The following MYH10 variants were observed in gnomAD, a reference collection of about 807,000 sequenced individuals.
The protein encoded by MYH10 is myosin heavy chain 10, also known as myosin-10.
A neutral mutation model predicts 257.8 loss-of-function variants in MYH10; 55 were observed. The ratio of observed to expected loss-of-function variants is 0.21; its 90% CI spans 0.17 to 0.27. The LOEUF (loss-of-function observed/expected upper bound fraction) is 0.27, where lower values mean the gene tolerates loss of function less well. Among genes scored for constraint, MYH10 ranks in the 10% least tolerant of loss-of-function variants. The pLI is 1.00. For synonymous variants in MYH10, 854 were observed against 921.7 expected (o/e 0.93, Z 1.33); for missense variants, 1,631 against 2,500.6 (o/e 0.65, Z 7.42).
At chr17:8,485,800 T>C (rs988868656) in intron 36 of MYH10, among the ~76,000 whole-genome samples, 6 of 152,156 alleles carry the variant, frequency 3.9e-5, no homozygotes, top group African/African-American at 1.2e-4. Flanking sequence ...AGAGGTACCA[T>C]ATAACCCAGC....
chr17:8,616,174 T>A (rs539997669), intron 2 of MYH10, among the ~76,000 whole-genome samples: 1 of 152,118 alleles, frequency 6.6e-6, no homozygotes, highest in South Asian at 2.1e-4. Flanking sequence ...TCCCTGCTAC[T>A]CGGGAGGCTG....
At position 8,508,656 on chromosome 17, in the gene MYH10, G is replaced by A. The variant is rs139985087; in HGVS notation, c.3112C>T (p.Arg1038Cys). The A allele has an allele frequency of 1.2e-5, 20 of 1,613,816 alleles. 1 individual carries two copies. The highest frequency in any genetic ancestry group is 1.6e-5 in the Non-Finnish European group (19 of 1,179,990). Residue 1038 changes from arginine to cysteine, a missense_variant, in exon 26 of 43, where the codon CGC becomes TGC. Physicochemically the swap from Arg to Cys is radical, Grantham distance 180. This residue lies in a region of MYH10 where 169 missense variants were observed against 249.8 expected (regional missense o/e 0.68). Transcript: ENST00000360416. ...AGCTGAGAGGAACACTCAGCAATGC[G>A]ATCTTCCATGAGTTTCTTTTCCTGG... Reference protein sequence around the residue: ...FIKEKKLMEDRIAECSSQLAE... With the variant: ...FIKEKKLMEDCIAECSSQLAE...
chr17:8,560,600 G>A (rs3809739), intron 7 of MYH10: 84,479 of 901,408 alleles, frequency 0.094, 4,428 homozygotes, highest in East Asian at 0.15. Context: ...AGCACTGGAG[G>A]AAAAGGATTT....
chr17:8,481,847 G>A (rs1403897746), intron 37 of MYH10, among the ~76,000 whole-genome samples: 1 of 152,230 alleles, frequency 6.6e-6, no homozygotes, highest in Non-Finnish European at 1.5e-5. Context: ...ACAGACCAGT[G>A]CGGATCCAGG....
intron 28 of MYH10, among the ~76,000 whole-genome samples, chr17:8,502,662 C>T (rs921870625): frequency 1.3e-5 from 2 of 152,140 alleles, no homozygotes. Flanking sequence ...TTATACTAAT[C>T]ATGGGAAGAA....
intron 4 of MYH10, among the ~76,000 whole-genome samples, chr17:8,588,126 TCCTCTGCCTGA>T: frequency 2.0e-5 from 3 of 152,120 alleles, no homozygotes; most frequent in Non-Finnish European, 4.4e-5. Context: ...TGGTTCTTCC[TCCTCTGCCTGA>T]CCCTTGAGTG....
Position 8,504,862 on chromosome 17 carries a change from A to G in MYH10, c.3431T>C (p.Val1144Ala), listed in dbSNP as rs1288911712. 1 of 1,614,200 alleles carries G rather than the reference A, an allele frequency of 6.2e-7. No individual in the cohort carries two copies. The highest frequency in any genetic ancestry group is 1.7e-5 in the Admixed American group (1 of 60,022). ...TLHKNNALKV[V>A]RELQAQIAEL... ...AGCAATTTGGGCTTGTAGCTCTCGC[A>G]CAACTTTAAGGGCATTGTTCTTATG... Residue 1144 changes from valine (V) to alanine (A), a missense_variant, in exon 28 of 43, where the codon GTG becomes GCG. Val to Ala is a moderately conservative substitution (Grantham distance 64). Coordinates refer to ENST00000360416, the MANE Select transcript of MYH10 (RefSeq NM_001256012.3). This position sits in a 1 kb window ranked among gnomAD's most constrained non-coding sequence, Gnocchi z 5.6.
Position 8,535,249 on chromosome 17 carries a change from G to T in MYH10, c.1894+138C>A. 1 of 579,728 alleles carries T rather than the reference G, an allele frequency of 1.7e-6. No homozygotes were observed. The highest frequency in any genetic ancestry group is 2.9e-6 in the Non-Finnish European group (1 of 343,390). 35.9% of individuals were successfully genotyped at this position (579,728 alleles called of 1,614,324 possible). A position where few individuals can be genotyped will look rare whatever the true frequency, so the allele number is the denominator to read the frequency against. On this transcript the variant is annotated intron_variant, in intron 16 of 42. Transcript: ENST00000360416. This position sits in a 1 kb window ranked among gnomAD's most constrained non-coding sequence, Gnocchi z 4.3. ...TAAAACGGATAAATTCCGATATAAC[G>T]GCAGCCCTGCTCTAGGGAAAGAAAG...
At chr17:8,575,389 C>A (rs2083467036) in intron 6 of MYH10, among the ~76,000 whole-genome samples, 1 of 152,194 alleles carries the variant, frequency 6.6e-6, no homozygotes, top group African/African-American at 2.4e-5. Context: ...ACCTCTAAAG[C>A]ATAAAGAAAA....
Position 8,492,559 on chromosome 17 carries a change from A to G in MYH10, c.4459-50T>C, listed in dbSNP as rs184542248. The G allele has an allele frequency of 4.0e-4, 614 of 1,546,054 alleles. 2 individuals are homozygous for G. Among genetic ancestry groups the G allele is most frequent in the South Asian group, 2.2e-3 (190 of 85,094 alleles). On this transcript the variant is annotated intron_variant, in intron 33 of 42. Coordinates refer to ENST00000360416, the MANE Select transcript of MYH10 (RefSeq NM_001256012.3). ...ACGAAAAACCGAAACAGTGACATCA[A>G]CTTTTCTCTTCCACCATGTGGCTGA...
chr17:8,609,711 G>A (rs1002613906), intron 2 of MYH10, among the ~76,000 whole-genome samples: 5 of 152,156 alleles, frequency 3.3e-5, no homozygotes, highest in Middle Eastern at 3.4e-3. Flanking sequence ...AGGAAATCAA[G>A]TGATAAGAGC....
At chr17:8,620,566 T>C (rs1469599493) in intron 2 of MYH10, among the ~76,000 whole-genome samples, 2 of 150,294 alleles carry the variant, frequency 1.3e-5, no homozygotes, top group African/African-American at 5.1e-5. Context: ...AATAAATTTA[T>C]GTTATATCTT....
intron 17 of MYH10, among the ~76,000 whole-genome samples, chr17:8,525,015 A>G (rs2081796449): frequency 6.6e-6 from 1 of 152,174 alleles, no homozygotes; most frequent in South Asian, 2.1e-4. Flanking sequence ...AAAACATTCA[A>G]GTGTTCAACG....
intron 14 of MYH10, 187 bp downstream of exon 14, chr17:8,541,920 T>G: frequency 1.8e-6 from 1 of 542,228 alleles, no homozygotes; most frequent in Non-Finnish European, 3.1e-6. Context: ...AAAGAAGGGT[T>G]TTACTGGCAT....
In MYH10 at chr17:8,545,535, A is replaced by T. The variant is rs1470736566; in HGVS notation, c.1344T>A (p.His448Gln). 2 of 1,614,056 alleles carry T rather than the reference A, an allele frequency of 1.2e-6. No individual in the cohort carries two copies. The highest frequency in any genetic ancestry group is 2.2e-5 in the South Asian group (2 of 91,076). ...TCCTATCCAGAGCTTTATTGATGCG[A>T]TGAACGAGCCAGCGAAAGAGCCGCT... ...TYERLFRWLV[H>Q]RINKALDRTK... is the part of the protein sequence containing the mutation. Residue 448 changes from histidine (H) to glutamine (Q), a missense_variant, in exon 13 of 43, where the codon CAT becomes CAA. By Grantham distance (24) the His-to-Gln change is conservative. Transcript: ENST00000360416. The surrounding 1 kb of genome is among the most constrained non-coding windows in gnomAD (Gnocchi z 4.7).
intron 28 of MYH10, among the ~76,000 whole-genome samples, chr17:8,501,991 G>A (rs1486925047): frequency 1.3e-5 from 2 of 152,196 alleles, no homozygotes; most frequent in Non-Finnish European, 2.9e-5. Flanking sequence ...GCTTGATGAA[G>A]ACTGAAGCCA....
In MYH10 at chr17:8,506,022, G is replaced by A. The variant is rs1405689493; in HGVS notation, c.3386+296C>T. On this transcript the variant is annotated intron_variant, in intron 27 of 42. Transcript: ENST00000360416. This position sits in a 1 kb window ranked among gnomAD's most constrained non-coding sequence, Gnocchi z 5.0. ...AAACATACTACAGTTAATCTGTAAT[G>A]TACAGAGACCAAAACATTTGTTATA... is the stretch of plus-strand genomic sequence containing the variant. The A allele has an allele frequency of 3.9e-5, 12 of 307,758 alleles. No homozygotes were observed. The highest frequency in any genetic ancestry group is 6.4e-5 in the Non-Finnish European group (11 of 171,860). The allele number at this position is 307,758 out of a possible 1,614,324, so 19.1% of individuals were successfully genotyped here.
At chr17:8,486,259 T>C (rs1914749684) in intron 36 of MYH10, among the ~76,000 whole-genome samples, 2 of 152,192 alleles carry the variant, frequency 1.3e-5, no homozygotes, top group Non-Finnish European at 2.9e-5. Flanking sequence ...ATAGTGGTGA[T>C]GGCTGAATAA....
intron 37 of MYH10, among the ~76,000 whole-genome samples, chr17:8,483,375 G>A (rs898427675): frequency 6.6e-6 from 1 of 152,162 alleles, no homozygotes. Flanking sequence ...TGGCTCTCAG[G>A]TTCTCTCTCA....
Sources: gnomAD v4.1 joint callset for allele counts (sites outside exome capture counted in the v4.1 genomes callset) on GRCh38, gnomAD v4.1.1 for gene constraint, gnomAD v4.1.1 regional missense constraint, Gnocchi (gnomAD v3.1) non-coding constraint, MANE v1.5 for transcripts, NCBI Gene and HGNC (gene_info 2026-07-23, HGNC 2026-07-21) for gene names.